The following PCDH11X variants were observed in gnomAD, a reference collection of about 807,000 sequenced individuals.
PCDH11X encodes protocadherin 11 X-linked, also known as protocadherin-11 X-linked.
PCDH11X carries 18 observed loss-of-function variants against 53.3 expected under a neutral mutation model. The ratio of observed to expected loss-of-function variants is 0.34; its 90% CI spans 0.23 to 0.50. The LOEUF is 0.50. Among genes scored for constraint, PCDH11X ranks in the 20% least tolerant of loss-of-function variants. The pLI is 0.98. For synonymous variants in PCDH11X, 279 were observed against 393.3 expected (o/e 0.71, Z 3.44); for missense variants, 570 against 1,032.4 (o/e 0.55, Z 6.14).
intron 6 of PCDH11X, among the ~76,000 whole-genome samples, chrX:91,960,690 C>T (rs1412153212): frequency 9.0e-6 from 1 of 111,483 alleles, no homozygotes; most frequent in Admixed American, 9.5e-5. Flanking sequence ...TCCCAAAGTG[C>T]TGAGATTACA....
At chrX:92,029,729 A>G (rs752306977) in intron 6 of PCDH11X, among the ~76,000 whole-genome samples, 38 of 111,521 alleles carry the variant, frequency 3.4e-4, no homozygotes, top group African/African-American at 1.2e-3. Context: ...ATTAGGTAGT[A>G]TAAAATATTT....
intron 8 of PCDH11X, among the ~76,000 whole-genome samples, chrX:92,303,197 A>G (rs1453658891): frequency 1.8e-5 from 2 of 111,327 alleles, no homozygotes; most frequent in Non-Finnish European, 1.9e-5. Flanking sequence ...AACAGATATT[A>G]CCCAAGAAGA....
At chrX:91,833,235 C>A (rs1569402248) in intron 4 of PCDH11X, among the ~76,000 whole-genome samples, 1 of 110,264 alleles carries the variant, frequency 9.1e-6, no homozygotes, top group African/African-American at 3.3e-5. Flanking sequence ...CTTATGTTTG[C>A]ATGACATTTA....
chrX:92,433,301 G>C (rs1201199342), intron 9 of PCDH11X, among the ~76,000 whole-genome samples: 1 of 110,433 alleles, frequency 9.1e-6, no homozygotes, highest in Admixed American at 9.7e-5. Flanking sequence ...GAAATGAATA[G>C]TTAGCATATA....
intron 6 of PCDH11X, among the ~76,000 whole-genome samples, chrX:92,156,044 G>T (rs928078987): frequency 6.4e-5 from 7 of 110,228 alleles, no homozygotes; most frequent in African/African-American, 2.3e-4. Flanking sequence ...CTATTTCTCC[G>T]TTCAGAACAC....
chrX:92,512,580 A>G (rs2074182348), intron 10 of PCDH11X, among the ~76,000 whole-genome samples: 1 of 111,814 alleles, frequency 8.9e-6, no homozygotes, highest in African/African-American at 3.2e-5. Context: ...ATGATATGCA[A>G]AAGAAAGAAA....
chrX:92,346,782 T>C (rs753334842), intron 8 of PCDH11X, among the ~76,000 whole-genome samples: 88 of 112,066 alleles, frequency 7.9e-4, no homozygotes, highest in African/African-American at 2.7e-3. Context: ...TTAGTTACTA[T>C]GTGAATAAAT....
intron 6 of PCDH11X, among the ~76,000 whole-genome samples, chrX:92,174,591 T>C (rs905739165): frequency 1.8e-5 from 2 of 111,866 alleles, no homozygotes; most frequent in East Asian, 5.7e-4. Flanking sequence ...TTTGAGAAGA[T>C]TGCATGCTGA....
intron 7 of PCDH11X, among the ~76,000 whole-genome samples, chrX:92,262,172 T>C (rs190204938): frequency 4.7e-4 from 52 of 111,322 alleles, no homozygotes; most frequent in Admixed American, 2.9e-4. Context: ...ATCCTCTTAC[T>C]ATGTTGACTC....
chrX:91,936,582 T>A (rs2147848878), intron 6 of PCDH11X, among the ~76,000 whole-genome samples: 1 of 106,582 alleles, frequency 9.4e-6, no homozygotes, highest in South Asian at 3.8e-4. Context: ...TAGTATAATA[T>A]AGTTGAGAAT....
chrX:91,855,543 TG>T, intron 5 of PCDH11X, among the ~76,000 whole-genome samples: 1 of 109,017 alleles, frequency 9.2e-6, no homozygotes, highest in South Asian at 3.9e-4. Context: ...AGAATATCAT[TG>T]GAATTTTTAT....
At chrX:92,552,994 C>CGTGTGTGTGT (rs57655496) in intron 10 of PCDH11X, among the ~76,000 whole-genome samples, 11,848 of 88,693 alleles carry the variant, frequency 0.13, 878 homozygotes, top group Non-Finnish European at 0.18. Context: ...CTGCAATTTT[C>CGTGTGTGTGT]GTGTGTGTGT....
At chrX:91,830,355 C>T (rs1431073720) in intron 4 of PCDH11X, among the ~76,000 whole-genome samples, 1 of 111,572 alleles carries the variant, frequency 9.0e-6, no homozygotes, top group Admixed American at 9.6e-5. Flanking sequence ...AGTAAGCAAG[C>T]TGTTTGTGGA....
At chrX:92,226,399 C>G (rs1354725906) in intron 7 of PCDH11X, among the ~76,000 whole-genome samples, 1 of 111,297 alleles carries the variant, frequency 9.0e-6, no homozygotes, top group Non-Finnish European at 1.9e-5. Context: ...TCTTCTTGTC[C>G]TGTCTATGCT....
chrX:92,212,220 C>G (rs1305844554), intron 7 of PCDH11X, among the ~76,000 whole-genome samples: 1 of 111,403 alleles, frequency 9.0e-6, no homozygotes, highest in African/African-American at 3.3e-5. Flanking sequence ...CCCTGTTGAC[C>G]AGGCTGGTCT....
intron 10 of PCDH11X, among the ~76,000 whole-genome samples, chrX:92,542,451 G>T (rs990121276): frequency 1.8e-5 from 2 of 110,001 alleles, no homozygotes; most frequent in African/African-American, 6.6e-5. Context: ...TGGAACACTG[G>T]GACCACTAGC....
intron 6 of PCDH11X, among the ~76,000 whole-genome samples, chrX:91,909,478 T>G (rs1941302768): frequency 9.2e-6 from 1 of 108,825 alleles, no homozygotes; most frequent in Admixed American, 1.0e-4. Flanking sequence ...TGGCATCTTC[T>G]GTGTTGAAAG....
chrX:92,282,594 G>A (rs1196841429), intron 8 of PCDH11X, among the ~76,000 whole-genome samples: 1 of 111,365 alleles, frequency 9.0e-6, no homozygotes, highest in Non-Finnish European at 1.9e-5. Flanking sequence ...TCTTTGCAAT[G>A]AATTATGCTA....
At chrX:92,113,929 A>G in intron 6 of PCDH11X, 1 of 1,205,161 alleles carries the variant, frequency 8.3e-7, no homozygotes. Flanking sequence ...CAGTACAAAC[A>G]TCTTGATGTA....
Sources: gnomAD v4.1 joint callset for allele counts (sites outside exome capture counted in the v4.1 genomes callset) on GRCh38, gnomAD v4.1.1 for gene constraint, MANE v1.5 for transcripts, NCBI Gene and HGNC (gene_info 2026-07-23, HGNC 2026-07-21) for gene names.